The following BTG4 variants were observed in gnomAD, a reference collection of about 807,000 sequenced individuals.
BTG4 encodes the protein BTG anti-proliferation factor 4.
A neutral mutation model predicts 19.3 loss-of-function variants in BTG4; 10 were observed. The ratio of observed to expected loss-of-function variants is 0.52; its 90% CI spans 0.32 to 0.88. The LOEUF (loss-of-function observed/expected upper bound fraction) is 0.88, where lower values mean the gene tolerates loss of function less well. Ranked by LOEUF, BTG4 falls within the 40% of genes least tolerant of loss-of-function variation. The probability of loss-of-function intolerance (pLI) is 0.04; values close to 1 mark genes in which losing one functional copy is unlikely to be tolerated. For synonymous variants in BTG4, 91 were observed against 95.7 expected (o/e 0.95, Z 0.29); for missense variants, 238 against 281.9 (o/e 0.84, Z 1.11).
chr11:111,468,817 G>A (rs1054127940), intron 5 of BTG4, among the ~76,000 whole-genome samples: 8 of 152,200 alleles, frequency 5.3e-5, no homozygotes, highest in African/African-American at 1.4e-4. Context: ...CACAGATCCA[G>A]GAATTTGGGG....
At chr11:111,386,932 A>C in the BTG4 span, among the ~76,000 whole-genome samples, 1 of 152,332 alleles carries the variant, frequency 6.6e-6, no homozygotes, top group East Asian at 1.9e-4. Flanking sequence ...TGAAGAGATT[A>C]TGTAATTTAG....
At chr11:111,512,868 GGGTCCGAGGC>G (rs1450942743), upstream of BTG4, 1 of 406,962 alleles carries the variant, frequency 2.5e-6, no homozygotes, top group East Asian at 1.3e-4. Flanking sequence ...CGGTGAAATG[GGGTCCGAGGC>G]GGGCCCCGAC....
chr11:111,479,529 CAAAA>C (rs1864607009), intron 5 of BTG4, among the ~76,000 whole-genome samples: 1 of 151,844 alleles, frequency 6.6e-6, no homozygotes, highest in South Asian at 2.1e-4. Flanking sequence ...AGAAGGGAAA[CAAAA>C]GAAAGAACTT....
intron 5 of BTG4, among the ~76,000 whole-genome samples, chr11:111,482,956 CT>C (rs1203827482): frequency 2.0e-5 from 3 of 151,984 alleles, no homozygotes; most frequent in East Asian, 1.9e-4. Context: ...AGATTTTGAT[CT>C]GTGAAAGACG....
upstream of BTG4, chr11:111,513,072 A>G (rs1462419329): frequency 2.3e-6 from 1 of 442,594 alleles, no homozygotes; most frequent in African/African-American, 2.0e-5. Context: ...GGCAGCCCGC[A>G]GCCTTCGAGA....
chr11:111,458,263 A>C, the BTG4 span: 1 of 151,962 alleles, frequency 6.6e-6, no homozygotes, highest in African/African-American at 2.4e-5. Context: ...TCAGGCCCCG[A>C]TATCTCGGGC....
downstream of BTG4, among the ~76,000 whole-genome samples, chr11:111,464,043 C>T (rs988529611): frequency 3.6e-4 from 55 of 152,336 alleles, no homozygotes; most frequent in Admixed American, 3.5e-3. Context: ...GTTGCCCAGG[C>T]TGTAGTGCAG....
the BTG4 span, among the ~76,000 whole-genome samples, chr11:111,440,657 T>C: frequency 1.1e-3 from 161 of 152,328 alleles, no homozygotes; most frequent in African/African-American, 3.6e-3. Flanking sequence ...ATCTGCCCTT[T>C]TCAGATTTTT....
At chr11:111,419,157 C>T in the BTG4 span, among the ~76,000 whole-genome samples, 1 of 152,172 alleles carries the variant, frequency 6.6e-6, no homozygotes, top group Non-Finnish European at 1.5e-5. Context: ...AGAGTCATAT[C>T]CTGAGGTACT....
the BTG4 span, among the ~76,000 whole-genome samples, chr11:111,392,853 A>G: frequency 1.3e-5 from 2 of 152,282 alleles, no homozygotes; most frequent in African/African-American, 4.8e-5. Context: ...GGGTATGTAC[A>G]TTATAGAATT....
chr11:111,392,541 G>C, the BTG4 span, among the ~76,000 whole-genome samples: 1 of 152,122 alleles, frequency 6.6e-6, no homozygotes, highest in African/African-American at 2.4e-5. Context: ...GATTTGGTAG[G>C]TCCAGGACAG....
intron 5 of BTG4, chr11:111,469,676 T>C (rs1565440408): frequency 6.6e-6 from 1 of 152,626 alleles, no homozygotes; most frequent in African/African-American, 2.4e-5. Context: ...CAAGTAAAGA[T>C]GAGAACTCTC....
intron 5 of BTG4, among the ~76,000 whole-genome samples, chr11:111,488,952 C>T (rs933339869): frequency 6.6e-6 from 1 of 152,036 alleles, no homozygotes; most frequent in East Asian, 1.9e-4. Context: ...TCAAGACCAG[C>T]TTGACCAACA....
the BTG4 span, among the ~76,000 whole-genome samples, chr11:111,390,594 T>C: frequency 6.6e-6 from 1 of 152,202 alleles, no homozygotes; most frequent in Non-Finnish European, 1.5e-5. Flanking sequence ...CACCAGCCAA[T>C]GCCCTCACAA....
the BTG4 span, among the ~76,000 whole-genome samples, chr11:111,408,052 A>T: frequency 2.0e-5 from 3 of 151,782 alleles, no homozygotes; most frequent in African/African-American, 7.3e-5. Flanking sequence ...GAACACTAAG[A>T]CCCCTCCACT....
At chr11:111,455,968 C>G in the BTG4 span, 1 of 351,170 alleles carries the variant, frequency 2.8e-6, no homozygotes. Flanking sequence ...CAGTTCCACC[C>G]CCAGACACCC....
chr11:111,486,198 G>C (rs1318106274), intron 5 of BTG4, among the ~76,000 whole-genome samples: 1 of 152,210 alleles, frequency 6.6e-6, no homozygotes, highest in African/African-American at 2.4e-5. Context: ...CACTTTGGAA[G>C]GCCAAGGTGG....
chr11:111,437,685 T>C, the BTG4 span, among the ~76,000 whole-genome samples: 5 of 152,010 alleles, frequency 3.3e-5, no homozygotes, highest in Admixed American at 1.3e-4. Flanking sequence ...TGTATCCCCA[T>C]TGCATCCCCA....
the BTG4 span, chr11:111,460,349 G>A: frequency 6.6e-6 from 1 of 152,658 alleles, no homozygotes; most frequent in South Asian, 2.1e-4. Flanking sequence ...TTTACCTCGG[G>A]GAGTGAGAGA....
Sources: allele counts gnomAD v4.1 joint callset (sites outside exome capture counted in the v4.1 genomes callset), GRCh38; gene constraint gnomAD v4.1.1; transcripts MANE v1.5; gene names NCBI Gene and HGNC (gene_info 2026-07-23, HGNC 2026-07-21).